Variants in DSN1 observed in about 807,000 individuals in gnomAD.
The protein encoded by DSN1 is kinetochore-associated protein DSN1 homolog.
In DSN1, 31 loss-of-function variants were observed where a neutral mutation model predicts 45.7. The observed-to-expected ratio is 0.68, with a 90% CI of 0.51 to 0.92. DSN1 has a LOEUF of 0.92. Ranked by LOEUF, DSN1 falls within the 40% of genes least tolerant of loss-of-function variation. DSN1 has a pLI of 0.00. For synonymous variants in DSN1, 134 were observed against 142.3 expected (o/e 0.94, Z 0.41); for missense variants, 394 against 414.2 (o/e 0.95, Z 0.42).
chr20:36,766,691 A>T (rs781548119), intron 5 of DSN1, 78 bp downstream of exon 5: 73 of 1,238,326 alleles, frequency 5.9e-5, no homozygotes, highest in Non-Finnish European at 8.0e-5. Context: ...ATAAGGGAGC[A>T]GCTTCTGTAA....
At chr20:36,758,184 T>G (rs1371503181) in intron 7 of DSN1, 23 bp from the exon 8 acceptor site, 3 of 1,601,482 alleles carry the variant, frequency 1.9e-6, no homozygotes, top group African/African-American at 1.3e-5. Context: ...GGAAAAAAAG[T>G]TCAGTTAATT....
intron 5 of DSN1, among the ~76,000 whole-genome samples, chr20:36,766,067 G>A (rs1173820022): frequency 2.0e-5 from 3 of 150,954 alleles, no homozygotes; most frequent in East Asian, 2.0e-4. Context: ...GGTGGTGGGT[G>A]TCTGTAATCC....
intron 1 of DSN1, 73 bp from the exon 2 acceptor site, chr20:36,771,546 G>T: frequency 7.2e-7 from 1 of 1,393,726 alleles, no homozygotes; most frequent in Non-Finnish European, 1.0e-6. Flanking sequence ...TACAGCCCCA[G>T]AATAAATAGG....
intron 2 of DSN1, 60 bp from the exon 3 acceptor site, chr20:36,771,253 A>C: frequency 1.1e-5 from 17 of 1,541,370 alleles, no homozygotes; most frequent in Non-Finnish European, 1.5e-5. Context: ...CTATTTGTGC[A>C]AAAAAGTGGA....
chr20:36,769,318 T>C (rs1333752622), intron 3 of DSN1, among the ~76,000 whole-genome samples: 4 of 152,236 alleles, frequency 2.6e-5, no homozygotes, highest in African/African-American at 9.6e-5. Flanking sequence ...GTCACTGCTG[T>C]TAGTCAAGAA....
intron 3 of DSN1, among the ~76,000 whole-genome samples, chr20:36,768,416 G>A (rs931959624): frequency 3.3e-5 from 5 of 152,138 alleles, no homozygotes; most frequent in African/African-American, 1.2e-4. Context: ...GGTGGCATGC[G>A]CCTGTAATCC....
chr20:36,765,797 C>T (rs1301733710), intron 5 of DSN1, among the ~76,000 whole-genome samples: 1 of 45,132 alleles, frequency 2.2e-5, no homozygotes, highest in South Asian at 6.7e-4. Context: ...GAGTCTGTCT[C>T]AAAAAAAAAA....
chr20:36,767,892 G>T, intron 4 of DSN1, 77 bp downstream of exon 4: 2 of 1,434,936 alleles, frequency 1.4e-6, no homozygotes, highest in Non-Finnish European at 2.0e-6. Flanking sequence ...ACAGAGTCAG[G>T]CTCCATCTAA....
At chr20:36,770,840 G>C in intron 3 of DSN1, 33 bp downstream of exon 3, 1 of 1,568,836 alleles carries the variant, frequency 6.4e-7, no homozygotes, top group South Asian at 1.2e-5. Flanking sequence ...ATCTGAGCTG[G>C]AACCTCACTG....
intron 10 of DSN1, among the ~76,000 whole-genome samples, chr20:36,753,297 G>A (rs535262462): frequency 4.7e-5 from 7 of 149,010 alleles, no homozygotes; most frequent in East Asian, 2.0e-4. Flanking sequence ...TCATGACTGC[G>A]CCCCTGTATT....
chr20:36,762,469 ATCT>A lies in DSN1; in HGVS notation c.579_581del (p.Glu193del). The A allele has an allele frequency of 6.2e-7, 1 of 1,613,326 alleles. No individual in the cohort carries two copies. On this transcript the variant is annotated inframe_deletion, in exon 6 of 11. Transcript: ENST00000373750. Reference sequence around the variant, plus strand: ...AGGGGAACTGCTCTTACCCATTTGAATCTTCAAAACATTTTTGTAGAGTTCCAT... The same window carrying A: ...AGGGGAACTGCTCTTACCCATTTGAATCAAAACATTTTTGTAGAGTTCCAT...
At chr20:36,772,530 C>A (rs1275130834) in intron 1 of DSN1, among the ~76,000 whole-genome samples, 1 of 152,072 alleles carries the variant, frequency 6.6e-6, no homozygotes, top group African/African-American at 2.4e-5. Context: ...CTCAGGTGAT[C>A]CGCCCGGCCT....
At chr20:36,761,286 C>A (rs1568692283) in intron 6 of DSN1, among the ~76,000 whole-genome samples, 1 of 152,130 alleles carries the variant, frequency 6.6e-6, no homozygotes, top group Non-Finnish European at 1.5e-5. Flanking sequence ...TTGCCCACCC[C>A]CTCAAGTCAT....
intron 6 of DSN1, among the ~76,000 whole-genome samples, chr20:36,759,459 C>G (rs1345607438): frequency 6.6e-6 from 1 of 151,962 alleles, no homozygotes; most frequent in Admixed American, 6.6e-5. Context: ...TAATGTTGGA[C>G]TCTATTTCAC....
chr20:36,772,798 T>A (rs558298972), intron 1 of DSN1, among the ~76,000 whole-genome samples: 1 of 152,384 alleles, frequency 6.6e-6, no homozygotes, highest in African/African-American at 2.4e-5. Context: ...ACATCACTTA[T>A]CTTTGGCAGA....
chr20:36,765,697 C>A (rs1160348550), intron 5 of DSN1, among the ~76,000 whole-genome samples: 1 of 151,288 alleles, frequency 6.6e-6, no homozygotes, highest in Non-Finnish European at 1.5e-5. Context: ...ATTCGGGAGG[C>A]TGAGGCAGGA....
At chr20:36,759,166 A>G (rs1026281377) in intron 6 of DSN1, among the ~76,000 whole-genome samples, 1 of 151,960 alleles carries the variant, frequency 6.6e-6, no homozygotes, top group Non-Finnish European at 1.5e-5. Flanking sequence ...TATTTTTAGT[A>G]GAGACGGGGT....
chr20:36,755,910 G>GA, intron 8 of DSN1, 81 bp from the exon 9 acceptor site: 6 of 1,488,654 alleles, frequency 4.0e-6, no homozygotes, highest in Non-Finnish European at 5.5e-6. Context: ...CTATAAAGCT[G>GA]AATCAGTATT....
chr20:36,768,128 T>C, intron 3 of DSN1, 86 bp from the exon 4 acceptor site: 2 of 1,318,144 alleles, frequency 1.5e-6, no homozygotes, highest in Non-Finnish European at 2.2e-6. Context: ...TCCCTCTTGA[T>C]AAATCCAACT....
Sources: allele counts gnomAD v4.1 joint callset (sites outside exome capture counted in the v4.1 genomes callset), GRCh38; gene constraint gnomAD v4.1.1; transcripts MANE v1.5; gene names NCBI Gene and HGNC (gene_info 2026-07-23, HGNC 2026-07-21).